CALN1: variants seen among roughly 807,000 people sequenced by gnomAD.
CALN1 encodes the protein calcium-binding protein 8.
In CALN1, 17 loss-of-function variants were observed where a neutral mutation model predicts 30.6. The observed-to-expected ratio is 0.56, with a 90% CI of 0.38 to 0.83. CALN1 has a LOEUF of 0.83. Ranked by LOEUF, CALN1 falls within the 40% of genes least tolerant of loss-of-function variation. The pLI is 0.00. For synonymous variants in CALN1, 156 were observed against 131.4 expected, an observed-to-expected ratio of 1.19 and a Z score of -1.28; for missense variants, 291 against 354.9, an observed-to-expected ratio of 0.82 and a Z score of 1.45.
chr7:72,238,092 G>A (rs947544160), intron 3 of CALN1, among the ~76,000 whole-genome samples: 1 of 152,142 alleles, frequency 6.6e-6, no homozygotes, highest in Non-Finnish European at 1.5e-5. Flanking sequence ...AAAGCTCCAG[G>A]TGACAGCTAA....
At chr7:72,213,559 G>A (rs998359729) in intron 3 of CALN1, among the ~76,000 whole-genome samples, 1 of 152,182 alleles carries the variant, frequency 6.6e-6, no homozygotes, top group Non-Finnish European at 1.5e-5. Flanking sequence ...GTATGTAAAT[G>A]ATACTTAATA....
intron 5 of CALN1, among the ~76,000 whole-genome samples, chr7:71,952,162 G>C (rs1032503164): frequency 3.3e-5 from 5 of 152,156 alleles, no homozygotes; most frequent in African/African-American, 7.2e-5. Flanking sequence ...TCAAATCACT[G>C]ATCTGTTGAA....
In CALN1 at chr7:72,271,575, A is replaced by AAAATAT; in HGVS notation, c.244+7110_244+7111insATATTT. On this transcript the variant is annotated intron_variant, in intron 3 of 6. Transcript: ENST00000395275. Reference sequence around the variant, plus strand: ...CTGTGCCTGCCTTTTAAAAAAAAAAAATATATATATATATATATAGTTTTC... The same window carrying AAAATAT: ...CTGTGCCTGCCTTTTAAAAAAAAAAAAAATATATATATATATATATATATAGTTTTC... 8.1e-4 allele frequency among the ~76,000 whole-genome samples: 42 copies of AAAATAT among 52,128 alleles called. 1 individual carries two copies. In the East Asian group the frequency reaches 0.034, roughly 42 times the overall value. The allele number at this position is 52,128 out of a possible 152,430, so 34.2% of individuals were successfully genotyped here. A position where few individuals can be genotyped will look rare whatever the true frequency, so the allele number is the denominator to read the frequency against.
chr7:72,413,117 G>A (rs1381408702), upstream of CALN1, among the ~76,000 whole-genome samples: 2 of 152,048 alleles, frequency 1.3e-5, no homozygotes, highest in African/African-American at 4.8e-5. Context: ...AGACACATAT[G>A]CACACATACA....
At chr7:72,097,566 G>C (rs2129540378) in intron 4 of CALN1, among the ~76,000 whole-genome samples, 1 of 151,526 alleles carries the variant, frequency 6.6e-6, no homozygotes, top group African/African-American at 2.4e-5. Flanking sequence ...CCAGCACTTT[G>C]GGAAGCGGAG....
intron 2 of CALN1, among the ~76,000 whole-genome samples, chr7:72,399,231 T>C (rs1318054472): frequency 6.7e-6 from 1 of 148,234 alleles, no homozygotes; most frequent in Non-Finnish European, 1.5e-5. Context: ...GTGGTGTCCC[T>C]ACCTCTACAG....
chr7:71,794,350 A>T (rs570137060), intron 6 of CALN1, among the ~76,000 whole-genome samples: 1 of 152,186 alleles, frequency 6.6e-6, no homozygotes, highest in Non-Finnish European at 1.5e-5. Flanking sequence ...CTTGGTAATT[A>T]TTGAAGGTTA....
intron 3 of CALN1, among the ~76,000 whole-genome samples, chr7:72,207,895 A>G (rs745337376): frequency 5.3e-5 from 8 of 152,164 alleles, no homozygotes; most frequent in Non-Finnish European, 8.8e-5. Flanking sequence ...ATCTATACAA[A>G]TTTATCTATG....
chr7:72,403,197 A>T, intron 2 of CALN1, 54 bp downstream of exon 2: 4 of 1,429,896 alleles, frequency 2.8e-6, no homozygotes, highest in Non-Finnish European at 3.8e-6. Flanking sequence ...GCCACCCCCT[A>T]CCTGAGGGCT....
At chr7:72,302,440 A>C (rs1021612028) in intron 2 of CALN1, among the ~76,000 whole-genome samples, 3 of 152,192 alleles carry the variant, frequency 2.0e-5, no homozygotes, top group Non-Finnish European at 2.9e-5. Flanking sequence ...TGGACATCAC[A>C]GGAAAAACTA....
intron 3 of CALN1, among the ~76,000 whole-genome samples, chr7:72,199,415 G>A (rs1005085595): frequency 6.6e-6 from 1 of 152,182 alleles, no homozygotes; most frequent in Non-Finnish European, 1.5e-5. Flanking sequence ...CCTAAATCTA[G>A]AAGGAACTGG....
chr7:72,050,781 A>G (rs1315983249), intron 4 of CALN1, among the ~76,000 whole-genome samples: 1 of 152,082 alleles, frequency 6.6e-6, no homozygotes, highest in Non-Finnish European at 1.5e-5. Context: ...TGGGAAGTTC[A>G]TTTGAGGTCA....
At chr7:71,867,797 C>T (rs969305276) in intron 5 of CALN1, among the ~76,000 whole-genome samples, 1 of 152,148 alleles carries the variant, frequency 6.6e-6, no homozygotes, top group African/African-American at 2.4e-5. Context: ...CCATCAAAGA[C>T]CCACAGTATT....
chr7:72,080,106 C>A (rs1404191847), intron 4 of CALN1, among the ~76,000 whole-genome samples: 1 of 152,168 alleles, frequency 6.6e-6, no homozygotes, highest in Non-Finnish European at 1.5e-5. Flanking sequence ...GGGTGAAAAA[C>A]CCCACCTTCA....
At chr7:72,096,454 C>T (rs1329163194) in intron 4 of CALN1, among the ~76,000 whole-genome samples, 1 of 151,888 alleles carries the variant, frequency 6.6e-6, no homozygotes, top group Admixed American at 6.6e-5. Context: ...TCCCCCCGCC[C>T]CCACCCAATT....
chr7:72,017,045 T>C (rs1243301545), intron 5 of CALN1, among the ~76,000 whole-genome samples: 2 of 132,822 alleles, frequency 1.5e-5, no homozygotes, highest in Non-Finnish European at 3.1e-5. Context: ...ACACCTGTAG[T>C]CCCAGCTACT....
At chr7:72,460,629 C>T in the CALN1 span, among the ~76,000 whole-genome samples, 2 of 151,778 alleles carry the variant, frequency 1.3e-5, no homozygotes, top group Non-Finnish European at 2.9e-5. Context: ...GAGACTCAGT[C>T]TCAAAAAAAA....
chr7:72,203,975 C>CTA (rs1562730767), intron 3 of CALN1, among the ~76,000 whole-genome samples: 2 of 101,582 alleles, frequency 2.0e-5, no homozygotes, highest in Non-Finnish European at 3.4e-5. Context: ...TAAGAGGCCT[C>CTA]TCTCTTTTTT....
chr7:72,404,537 A>T (rs1030124758), intron 1 of CALN1, among the ~76,000 whole-genome samples: 1 of 152,220 alleles, frequency 6.6e-6, no homozygotes, highest in Admixed American at 6.5e-5. Flanking sequence ...CATCTGAGAG[A>T]GTTGTACCCA....
Sources: gnomAD v4.1 joint callset for allele counts (sites outside exome capture counted in the v4.1 genomes callset) on GRCh38, gnomAD v4.1.1 for gene constraint, MANE v1.5 for transcripts, NCBI Gene and HGNC (gene_info 2026-07-23, HGNC 2026-07-21) for gene names.